Variants in ENOX1 observed in about 807,000 individuals in gnomAD.
ENOX1 encodes the protein ecto-NOX disulfide-thiol exchanger 1, also known as candidate growth-related and time keeping constitutive hydroquinone (NADH) oxidase.
ENOX1 carries 42 observed loss-of-function variants against 82.5 expected under a neutral mutation model. The observed-to-expected ratio is 0.51, with a 90% CI of 0.40 to 0.66. The LOEUF is 0.66. Ranked by LOEUF, ENOX1 falls within the 30% of genes least tolerant of loss-of-function variation. ENOX1 has a pLI of 0.00. For missense variants in ENOX1, 608 were observed against 811.6 expected (o/e 0.75, Z 3.05); for synonymous variants, 271 against 282.2 (o/e 0.96, Z 0.40).
At chr13:43,721,804 A>T (rs2088602816) in intron 1 of ENOX1, among the ~76,000 whole-genome samples, 1 of 152,186 alleles carries the variant, frequency 6.6e-6, no homozygotes, top group Non-Finnish European at 1.5e-5. Flanking sequence ...TCCCTGGAGC[A>T]CAGGGACTCT....
intron 2 of ENOX1, among the ~76,000 whole-genome samples, chr13:43,511,669 G>A (rs115137912): frequency 0.01 from 1,566 of 152,200 alleles, 21 homozygotes; most frequent in African/African-American, 0.035. Context: ...CCCAAAATAA[G>A]GCACACAGCA....
rs895545219 is a variant in ENOX1, at chr13:43,245,546, T to G, written c.1612-8808A>C. ...ATGGTTTCTTATGGGAACATAAGAA[T>G]GCATCCATCCCCCAATAGTGAGCAG... On this transcript the variant is annotated intron_variant, in intron 14 of 16. Transcript: ENST00000690772. Among the ~76,000 whole-genome samples, 8 of 152,218 alleles carry G rather than the reference T, an allele frequency of 5.3e-5. No individual in the cohort carries two copies. In the South Asian group the frequency reaches 1.2e-3, roughly 24 times the overall value.
chr13:43,532,595 T>C (rs1240166311), intron 2 of ENOX1, among the ~76,000 whole-genome samples: 2 of 152,126 alleles, frequency 1.3e-5, no homozygotes, highest in African/African-American at 4.8e-5. Flanking sequence ...TATCCAAAGT[T>C]ATCTGAAGAA....
intron 1 of ENOX1, among the ~76,000 whole-genome samples, chr13:43,756,800 A>T (rs895350881): frequency 1.3e-5 from 2 of 152,032 alleles, no homozygotes; most frequent in African/African-American, 4.8e-5. Context: ...TTCTCTAGTT[A>T]TAACTGTCCC....
Position 43,361,265 on chromosome 13 carries a change from T to A in ENOX1, c.382+14A>T. 6.2e-7 allele frequency: 1 copy of A among 1,606,510 alleles called. No homozygotes were observed. Among genetic ancestry groups the A allele is most frequent in the Non-Finnish European group, 8.5e-7 (1 of 1,177,784 alleles). On this transcript the variant is annotated intron_variant, in intron 6 of 16. Transcript: ENST00000690772. The stretch of plus-strand genomic sequence containing the variant: ...ATTTAAAATGAGCAAATATTTCTCA[T>A]AGGCGTTACTTACTTGGATTTTGAG...
Position 43,734,199 on chromosome 13 carries a change from G to GGTTGTTGTT in ENOX1, c.-285+52444_-285+52452dup, listed in dbSNP as rs143259339. On this transcript the variant is annotated intron_variant, in intron 1 of 16. Transcript: ENST00000690772. ...GGAACTAAGAGACAATTTTGTTGTTGGTTGTTGTTGTTGTTGTTGTTGTTG... is the reference window on the plus strand; with the variant it reads ...GGAACTAAGAGACAATTTTGTTGTTGGTTGTTGTTGTTGTTGTTGTTGTTGTTGTTGTTG... Among the ~76,000 whole-genome samples, 94 of 151,114 alleles carry GGTTGTTGTT rather than the reference G, an allele frequency of 6.2e-4. 2 individuals are homozygous for GGTTGTTGTT. Among genetic ancestry groups the GGTTGTTGTT allele is most frequent in the African/African-American group, 2.1e-3 (85 of 40,988 alleles).
intron 3 of ENOX1, among the ~76,000 whole-genome samples, chr13:43,462,570 G>A (rs1021144013): frequency 4.0e-5 from 6 of 151,828 alleles, no homozygotes; most frequent in African/African-American, 1.5e-4. Context: ...AGGCAGCCAT[G>A]CATACTACAG....
At position 43,593,570 on chromosome 13, in the gene ENOX1, G is replaced by A. The variant is rs192211631; in HGVS notation, c.-219+73909C>T. On this transcript the variant is annotated intron_variant, in intron 2 of 16. Coordinates refer to ENST00000690772, the MANE Select transcript of ENOX1 (RefSeq NM_001347969.2). ...GAGTGTTCGTACTCAGCAGGAATTC[G>A]AAACCATGGAGGTAGCCAACAAGGG... Among the ~76,000 whole-genome samples the A allele has an allele frequency of 1.5e-3, 230 of 151,776 alleles. 1 individual carries two copies. The highest frequency in any genetic ancestry group is 7.9e-4 in the Admixed American group (12 of 15,248).
intron 12 of ENOX1, among the ~76,000 whole-genome samples, chr13:43,293,319 C>A (rs9533442): frequency 0.18 from 26,968 of 152,046 alleles, 2,709 homozygotes; most frequent in African/African-American, 0.26. Context: ...GCACCCCCAC[C>A]ACGGCCATCT....
intron 14 of ENOX1, among the ~76,000 whole-genome samples, chr13:43,250,483 T>G (rs1012202758): frequency 6.6e-6 from 1 of 152,230 alleles, no homozygotes; most frequent in Non-Finnish European, 1.5e-5. Context: ...CGGCTAGTTA[T>G]GGGTCCACTG....
intron 15 of ENOX1, among the ~76,000 whole-genome samples, chr13:43,231,615 C>A (rs993607688): frequency 6.6e-6 from 1 of 152,188 alleles, no homozygotes; most frequent in Non-Finnish European, 1.5e-5. Flanking sequence ...ATGCCCTTAA[C>A]AACTTCTTTA....
At chr13:43,219,389 T>C (rs1008357909) in intron 16 of ENOX1, among the ~76,000 whole-genome samples, 1 of 152,170 alleles carries the variant, frequency 6.6e-6, no homozygotes, top group African/African-American at 2.4e-5. Flanking sequence ...ACACCATGTA[T>C]TTGGTGCTCT....
chr13:43,632,354 T>C (rs1276960599), intron 2 of ENOX1, among the ~76,000 whole-genome samples: 1 of 151,934 alleles, frequency 6.6e-6, no homozygotes, highest in African/African-American at 2.4e-5. Flanking sequence ...TCATATATAT[T>C]CATCAATTAT....
In ENOX1 at chr13:43,552,346, T is replaced by TAA. The variant is rs11398493; in HGVS notation, c.-218-68196_-218-68195dup. On this transcript the variant is annotated intron_variant, in intron 2 of 16. Transcript: ENST00000690772. ...ATTTATTAACCTAGAGGCTCTTAAC[T>TAA]AAAAAAAAAAAAAAAAAGAAAACAA... Among the ~76,000 whole-genome samples, 1,146 of 117,578 alleles carry TAA rather than the reference T, an allele frequency of 9.7e-3. 9 individuals carry two copies. The highest frequency in any genetic ancestry group is 0.011 in the Non-Finnish European group (607 of 54,324). The allele number at this position is 117,578 out of a possible 152,430, so 77.1% of individuals were successfully genotyped here.
chr13:43,785,607 A>G (rs1952528378), intron 1 of ENOX1, among the ~76,000 whole-genome samples: 1 of 152,218 alleles, frequency 6.6e-6, no homozygotes, highest in Admixed American at 6.5e-5. Flanking sequence ...AGAGAAAAGG[A>G]GAGAAGCAGG....
intron 2 of ENOX1, among the ~76,000 whole-genome samples, chr13:43,525,088 AT>A (rs1270105058): frequency 6.6e-6 from 1 of 152,154 alleles, no homozygotes; most frequent in Non-Finnish European, 1.5e-5. Context: ...ATATTTTTAA[AT>A]TTTTTAAATT....
At chr13:43,754,256 TACATATATAC>T (rs1211075302) in intron 1 of ENOX1, among the ~76,000 whole-genome samples, 1 of 145,630 alleles carries the variant, frequency 6.9e-6, no homozygotes, top group African/African-American at 2.6e-5. Context: ...TACACATATA[TACATATATAC>T]ACACACACAT....
chr13:43,524,764 C>A (rs2077918362), intron 2 of ENOX1, among the ~76,000 whole-genome samples: 1 of 152,066 alleles, frequency 6.6e-6, no homozygotes, highest in Non-Finnish European at 1.5e-5. Context: ...TCCCTAAGCA[C>A]CTTATTTCAA....
intron 12 of ENOX1, among the ~76,000 whole-genome samples, chr13:43,275,172 G>A (rs1252022493): frequency 6.6e-6 from 1 of 152,156 alleles, no homozygotes; most frequent in Admixed American, 6.5e-5. Context: ...TTCCACTTAG[G>A]AGCCAGGCTT....
Sources: allele counts gnomAD v4.1 joint callset (sites outside exome capture counted in the v4.1 genomes callset), GRCh38; gene constraint gnomAD v4.1.1; transcripts MANE v1.5; gene names NCBI Gene and HGNC (gene_info 2026-07-23, HGNC 2026-07-21).